Variants in B4GALT6 observed in about 807,000 individuals in gnomAD.
B4GALT6 encodes the protein UDP-Gal:beta-GlcNAc beta-1,4-galactosyltransferase 6.
B4GALT6 carries 14 observed loss-of-function variants against 46.3 expected under a neutral mutation model. That is an observed-to-expected ratio of 0.30 (90% CI 0.20 to 0.47). The LOEUF (loss-of-function observed/expected upper bound fraction) is 0.47, where lower values mean the gene tolerates loss of function less well. Ranked by LOEUF, B4GALT6 falls within the 20% of genes least tolerant of loss-of-function variation. The pLI, the probability that B4GALT6 is intolerant of heterozygous loss-of-function variation, is 0.99. For synonymous variants in B4GALT6, 168 were observed against 162.0 expected (o/e 1.04, Z -0.28); for missense variants, 386 against 480.1 (o/e 0.80, Z 1.83).
At chr18:31,699,704 C>G in the B4GALT6 span, among the ~76,000 whole-genome samples, 1 of 139,882 alleles carries the variant, frequency 7.1e-6, no homozygotes, top group African/African-American at 2.7e-5. Flanking sequence ...AAGGAAGAAA[C>G]AGTGGTGACG....
intron 3 of B4GALT6, among the ~76,000 whole-genome samples, chr18:31,652,893 C>T (rs992506471): frequency 6.6e-5 from 10 of 152,214 alleles, no homozygotes; most frequent in African/African-American, 2.4e-4. Flanking sequence ...TCTCCATTCT[C>T]ACCCATTGTT....
At chr18:31,679,748 C>T (rs2074458143) in intron 1 of B4GALT6, among the ~76,000 whole-genome samples, 1 of 152,200 alleles carries the variant, frequency 6.6e-6, no homozygotes, top group Admixed American at 6.5e-5. Flanking sequence ...GGGATCCCAA[C>T]TCAATTTCTC....
At chr18:31,631,182 G>GTAC in intron 5 of B4GALT6, 36 bp from the exon 6 acceptor site, 1 of 1,464,404 alleles carries the variant, frequency 6.8e-7, no homozygotes, top group Non-Finnish European at 9.2e-7. Flanking sequence ...AAATAGAAAT[G>GTAC]TACTCACACT....
intron 1 of B4GALT6, among the ~76,000 whole-genome samples, chr18:31,678,819 G>C (rs2074446773): frequency 6.6e-6 from 1 of 152,232 alleles, no homozygotes; most frequent in Admixed American, 6.5e-5. Flanking sequence ...TTGGGCCCTT[G>C]GACAGGGGGG....
chr18:31,680,043 A>C (rs2074462156), intron 1 of B4GALT6, among the ~76,000 whole-genome samples: 1 of 152,174 alleles, frequency 6.6e-6, no homozygotes, highest in African/African-American at 2.4e-5. Context: ...TACTCACAGG[A>C]CAAAAAAAGC....
At chr18:31,669,655 A>C (rs2074327048) in intron 1 of B4GALT6, among the ~76,000 whole-genome samples, 1 of 152,230 alleles carries the variant, frequency 6.6e-6, no homozygotes, top group Non-Finnish European at 1.5e-5. Context: ...CAGCCAACCA[A>C]AAATGCAGGA....
chr18:31,659,949 CTTTTTTTTTTTT>C (rs35690268), intron 2 of B4GALT6, among the ~76,000 whole-genome samples: 15 of 122,718 alleles, frequency 1.2e-4, no homozygotes, highest in African/African-American at 3.3e-4. Flanking sequence ...GATTCTTTTC[CTTTTTTTTTTTT>C]TTTTTTTTTG....
chr18:31,674,501 A>G (rs759654175), intron 1 of B4GALT6, among the ~76,000 whole-genome samples: 30 of 152,236 alleles, frequency 2.0e-4, no homozygotes, highest in Non-Finnish European at 2.6e-4. Context: ...ACTGGAAATA[A>G]TATGGACAAA....
intron 3 of B4GALT6, among the ~76,000 whole-genome samples, chr18:31,652,626 C>T (rs977266614): frequency 6.6e-6 from 1 of 152,298 alleles, no homozygotes; most frequent in Non-Finnish European, 1.5e-5. Flanking sequence ...ACGGCCCAAA[C>T]GGAACCCACT....
intron 5 of B4GALT6, among the ~76,000 whole-genome samples, chr18:31,637,484 AG>A (rs1232775350): frequency 6.7e-6 from 1 of 148,564 alleles, no homozygotes; most frequent in African/African-American, 2.5e-5. Context: ...AAAACAGTCA[AG>A]GTTCCTCTAC....
At chr18:31,679,759 T>C (rs1264969018) in intron 1 of B4GALT6, among the ~76,000 whole-genome samples, 1 of 152,184 alleles carries the variant, frequency 6.6e-6, no homozygotes, top group Non-Finnish European at 1.5e-5. Context: ...TCAATTTCTC[T>C]AAAAGCAAAA....
intron 2 of B4GALT6, 196 bp from the exon 3 acceptor site, chr18:31,658,285 G>C: frequency 2.1e-6 from 1 of 486,276 alleles, no homozygotes; most frequent in South Asian, 2.7e-5. Flanking sequence ...TTTCCCAAGA[G>C]ACATCTAGAG....
intron 4 of B4GALT6, among the ~76,000 whole-genome samples, chr18:31,639,021 T>C (rs2073897870): frequency 6.6e-6 from 1 of 152,068 alleles, no homozygotes; most frequent in Non-Finnish European, 1.5e-5. Flanking sequence ...CATGAGAAAT[T>C]GAGAGTGATA....
intron 4 of B4GALT6, among the ~76,000 whole-genome samples, chr18:31,642,842 G>A (rs2073947177): frequency 6.6e-6 from 1 of 152,276 alleles, no homozygotes; most frequent in African/African-American, 2.4e-5. Flanking sequence ...GCACCACCAC[G>A]CCCGGCTAAT....
chr18:31,680,272 TATG>T (rs1199181656), intron 1 of B4GALT6, among the ~76,000 whole-genome samples: 2 of 152,124 alleles, frequency 1.3e-5, no homozygotes, highest in African/African-American at 4.8e-5. Flanking sequence ...GCTAAAGGGC[TATG>T]ATAAGAAAGC....
At chr18:31,681,270 G>C (rs1361519291) in intron 1 of B4GALT6, among the ~76,000 whole-genome samples, 1 of 152,200 alleles carries the variant, frequency 6.6e-6, no homozygotes, top group East Asian at 1.9e-4. Context: ...TCTCAATCCA[G>C]CCAAGTCAAA....
intron 1 of B4GALT6, among the ~76,000 whole-genome samples, chr18:31,682,568 T>G (rs990085492): frequency 3.3e-5 from 5 of 152,230 alleles, no homozygotes; most frequent in South Asian, 4.1e-4. Flanking sequence ...TTCACACAAG[T>G]TGAATTAAGA....
chr18:31,623,877 T>A lies in B4GALT6; in HGVS notation c.*1737A>T, dbSNP rs1031822611. ...TACAATCTGAGATAAATAACCATAG[T>A]TCTGTTTTAGGTAAACAATCCTTGA... On this transcript the variant is annotated 3_prime_UTR_variant, in exon 9 of 9. Transcript: ENST00000306851. 1 of 151,978 alleles carries A rather than the reference T, an allele frequency of 6.6e-6. No individual in the cohort carries two copies. The highest frequency in any genetic ancestry group is 1.5e-5 in the Non-Finnish European group (1 of 67,856). 9.4% of individuals were successfully genotyped at this position (151,978 alleles called of 1,614,324 possible). A position where few individuals can be genotyped will look rare whatever the true frequency, so the allele number is the denominator to read the frequency against.
chr18:31,656,339 A>G (rs2074138483), intron 3 of B4GALT6, among the ~76,000 whole-genome samples: 1 of 152,234 alleles, frequency 6.6e-6, no homozygotes, highest in Admixed American at 6.5e-5. Flanking sequence ...GTTTATTTAA[A>G]TCTTTATATC....
Sources: allele counts gnomAD v4.1 joint callset (sites outside exome capture counted in the v4.1 genomes callset), GRCh38; gene constraint gnomAD v4.1.1; transcripts MANE v1.5; gene names NCBI Gene and HGNC (gene_info 2026-07-23, HGNC 2026-07-21).